SMG6: variants seen among roughly 807,000 people sequenced by gnomAD.
The protein encoded by SMG6 is telomerase-binding protein EST1A.
SMG6 carries 66 observed loss-of-function variants against 142.2 expected under a neutral mutation model. The observed-to-expected ratio is 0.46, with a 90% CI of 0.38 to 0.57. The LOEUF is 0.57. Ranked by LOEUF, SMG6 falls within the 20% of genes least tolerant of loss-of-function variation. The probability of loss-of-function intolerance (pLI) is 0.00; values close to 1 mark genes in which losing one functional copy is unlikely to be tolerated. For synonymous variants in SMG6, 779 were observed against 702.4 expected, an observed-to-expected ratio of 1.11 and a Z score of -1.72; for missense variants, 1,793 against 1,832.0, an observed-to-expected ratio of 0.98 and a Z score of 0.39.
intron 10 of SMG6, chr17:2,232,945 T>A (rs552977739): frequency 1.2e-4 from 18 of 152,356 alleles, no homozygotes; most frequent in African/African-American, 4.1e-4. Context: ...TTTTGCCTTC[T>A]GCAGTGTCCA....
At chr17:2,151,373 G>A (rs2070819952) in intron 13 of SMG6, among the ~76,000 whole-genome samples, 1 of 152,202 alleles carries the variant, frequency 6.6e-6, no homozygotes, top group Non-Finnish European at 1.5e-5. Context: ...GAAAAAGAAA[G>A]TTTTAAGCCT....
chr17:2,152,338 C>A (rs893408086), intron 13 of SMG6, among the ~76,000 whole-genome samples: 17 of 152,146 alleles, frequency 1.1e-4, no homozygotes, highest in African/African-American at 4.1e-4. Flanking sequence ...CCTTATGGTC[C>A]TCTACTAAGA....
chr17:2,064,198 A>C (rs531567692), intron 18 of SMG6, among the ~76,000 whole-genome samples: 1 of 152,308 alleles, frequency 6.6e-6, no homozygotes, highest in Admixed American at 6.5e-5. Flanking sequence ...ACTTATAGGT[A>C]GACAGAAACG....
intron 6 of SMG6, among the ~76,000 whole-genome samples, chr17:2,291,322 C>G (rs1341095702): frequency 1.3e-5 from 2 of 149,946 alleles, no homozygotes; most frequent in Admixed American, 6.6e-5. Flanking sequence ...CAGAGCGAGA[C>G]TCCGTCTCAG....
intron 13 of SMG6, among the ~76,000 whole-genome samples, chr17:2,166,072 C>T (rs1359759712): frequency 1.3e-5 from 2 of 151,964 alleles, no homozygotes; most frequent in Non-Finnish European, 2.9e-5. Context: ...ATTAACTGGG[C>T]GTGGTGGCAG....
intron 15 of SMG6, among the ~76,000 whole-genome samples, chr17:2,074,266 T>C (rs902920467): frequency 6.6e-6 from 1 of 152,118 alleles, no homozygotes; most frequent in African/African-American, 2.4e-5. Flanking sequence ...AAAAGACTTA[T>C]TGTATATATG....
At chr17:2,195,237 G>GA (rs1163673458) in intron 10 of SMG6, among the ~76,000 whole-genome samples, 1 of 152,144 alleles carries the variant, frequency 6.6e-6, no homozygotes, top group Non-Finnish European at 1.5e-5. Context: ...GTTTACTGGG[G>GA]AAAGTATAAA....
rs566430128 is a variant in SMG6 at position 2,139,567 on chromosome 17, G to A, written c.3357+33091C>T. ...TTCCCAAGGAGCTGGGATCACAGGC[G>A]TGCGCCACCATGCCTGGCTAATTTT... On this transcript the variant is annotated intron_variant, in intron 13 of 18. Coordinates refer to ENST00000263073, the MANE Select transcript of SMG6 (RefSeq NM_017575.5). 7.2e-5 allele frequency among the ~76,000 whole-genome samples: 11 copies of A among 151,776 alleles called. No homozygotes were observed. The East Asian group carries it at 9.7e-4, about 13-fold the overall frequency.
At chr17:2,217,935 G>A (rs376668404) in intron 10 of SMG6, among the ~76,000 whole-genome samples, 92 of 152,006 alleles carry the variant, frequency 6.1e-4, no homozygotes, top group African/African-American at 2.1e-3. Flanking sequence ...GCTTGAACCC[G>A]GGATGCAGAG....
intron 8 of SMG6, among the ~76,000 whole-genome samples, chr17:2,265,130 T>A (rs1230755220): frequency 3.3e-5 from 5 of 152,082 alleles, no homozygotes; most frequent in Admixed American, 6.6e-5. Flanking sequence ...TGACCACCCA[T>A]CCCAGGAACT....
At chr17:2,195,104 T>A (rs1233716501) in intron 10 of SMG6, among the ~76,000 whole-genome samples, 2 of 152,194 alleles carry the variant, frequency 1.3e-5, no homozygotes, top group African/African-American at 4.8e-5. Flanking sequence ...CGGCACTTCA[T>A]TTGTTTCCAA....
chr17:2,186,833 T>A lies in SMG6; in HGVS notation c.2987-2A>T. On this transcript the variant is annotated splice_acceptor_variant, in intron 11 of 18. Coordinates refer to ENST00000263073, the MANE Select transcript of SMG6 (RefSeq NM_017575.5). LOFTEE classifies it high-confidence loss of function. ...GGTCCTCAGGAGAGGACAGCTGAGC[T>A]GCAGAGGCAAAGGGTGAGAACTGGG... 6.2e-7 allele frequency: 1 copy of A among 1,613,906 alleles called. No homozygotes were observed. Among genetic ancestry groups the A allele is most frequent in the Non-Finnish European group, 8.5e-7 (1 of 1,179,906 alleles).
chr17:2,121,913 A>G (rs1460493925), intron 13 of SMG6, among the ~76,000 whole-genome samples: 1 of 151,482 alleles, frequency 6.6e-6, no homozygotes, highest in East Asian at 1.9e-4. Flanking sequence ...GCTCATTGCA[A>G]CCTCTGCCCT....
intron 6 of SMG6, among the ~76,000 whole-genome samples, chr17:2,284,123 C>T (rs141129529): frequency 2.4e-4 from 36 of 152,274 alleles, no homozygotes; most frequent in African/African-American, 8.2e-4. Context: ...ACAAGCCAGA[C>T]AGACCTTGGT....
chr17:2,156,242 A>C (rs2070998742), intron 13 of SMG6, among the ~76,000 whole-genome samples: 1 of 151,076 alleles, frequency 6.6e-6, no homozygotes, highest in Admixed American at 6.6e-5. Flanking sequence ...ATACAAAAAA[A>C]ATTAGCCGGG....
At chr17:2,264,598 C>T (rs1362311052) in intron 8 of SMG6, among the ~76,000 whole-genome samples, 1 of 152,132 alleles carries the variant, frequency 6.6e-6, no homozygotes, top group Admixed American at 6.6e-5. Context: ...AAGCAACAAA[C>T]GCAACATTAA....
intron 10 of SMG6, among the ~76,000 whole-genome samples, chr17:2,210,495 A>G (rs185549827): frequency 1.4e-3 from 218 of 152,154 alleles, no homozygotes; most frequent in Non-Finnish European, 7.5e-4. Flanking sequence ...AATGTGGGCC[A>G]AAGTTCATGA....
At chr17:2,198,800 A>C (rs1181316227) in intron 10 of SMG6, among the ~76,000 whole-genome samples, 1 of 152,010 alleles carries the variant, frequency 6.6e-6, no homozygotes, top group African/African-American at 2.4e-5. Context: ...TTCTCAATTA[A>C]CAGTAGCTGA....
intron 10 of SMG6, among the ~76,000 whole-genome samples, chr17:2,197,398 T>TAA (rs1299602403): frequency 6.9e-6 from 1 of 145,202 alleles, no homozygotes; most frequent in African/African-American, 2.5e-5. Flanking sequence ...ACTGTGTCTC[T>TAA]AAAAAAAAAA....
Sources: allele counts gnomAD v4.1 joint callset (sites outside exome capture counted in the v4.1 genomes callset), GRCh38; gene constraint gnomAD v4.1.1; transcripts MANE v1.5; gene names NCBI Gene and HGNC (gene_info 2026-07-23, HGNC 2026-07-21).